KANSL1: variants seen among roughly 807,000 people sequenced by gnomAD.
KANSL1 encodes KAT8 regulatory NSL complex subunit 1.
A neutral mutation model predicts 103.6 loss-of-function variants in KANSL1; 22 were observed. The ratio of observed to expected loss-of-function variants is 0.21; its 90% CI spans 0.15 to 0.30. The LOEUF is 0.30. Ranked by LOEUF, KANSL1 falls within the 10% of genes least tolerant of loss-of-function variation. The probability of loss-of-function intolerance (pLI) is 1.00; values close to 1 mark genes in which losing one functional copy is unlikely to be tolerated. For synonymous variants in KANSL1, 600 were observed against 527.6 expected (o/e 1.14, Z -1.88); for missense variants, 1,337 against 1,399.8 (o/e 0.96, Z 0.72).
chr17:46,121,094 G>A (rs1336693374), intron 2 of KANSL1, among the ~76,000 whole-genome samples: 1 of 151,826 alleles, frequency 6.6e-6, no homozygotes, highest in African/African-American at 2.4e-5. Context: ...ATCCAGAATT[G>A]AACCTTAATT....
At chr17:46,160,635 TTC>T (rs1362213918) in intron 2 of KANSL1, among the ~76,000 whole-genome samples, 5 of 152,214 alleles carry the variant, frequency 3.3e-5, no homozygotes, top group African/African-American at 1.2e-4. Flanking sequence ...ATGAGTAATT[TTC>T]TTTTACTCAT....
chr17:46,052,515 G>C (rs951831875), intron 6 of KANSL1, among the ~76,000 whole-genome samples: 1 of 152,056 alleles, frequency 6.6e-6, no homozygotes, highest in African/African-American at 2.4e-5. Flanking sequence ...TGAGGCAGGA[G>C]AATCGCTTGA....
chr17:46,084,232 A>T (rs2079080114), intron 3 of KANSL1, among the ~76,000 whole-genome samples: 1 of 151,970 alleles, frequency 6.6e-6, no homozygotes, highest in Non-Finnish European at 1.5e-5. Flanking sequence ...AAATACAAAA[A>T]TTGCCCAGGC....
intron 2 of KANSL1, among the ~76,000 whole-genome samples, chr17:46,159,931 G>C (rs1488289097): frequency 6.6e-6 from 1 of 152,190 alleles, no homozygotes; most frequent in Non-Finnish European, 1.5e-5. Flanking sequence ...GTACTGTGTG[G>C]TCAGAGAGCT....
chr17:46,065,089 C>T (rs1181539723), intron 6 of KANSL1, among the ~76,000 whole-genome samples: 3 of 151,690 alleles, frequency 2.0e-5, no homozygotes. Context: ...GATCCTCCCG[C>T]CTCAGCCTCC....
At chr17:46,183,263 CAAACAA>C (rs906423135) in intron 1 of KANSL1, among the ~76,000 whole-genome samples, 6 of 151,108 alleles carry the variant, frequency 4.0e-5, no homozygotes, top group Non-Finnish European at 7.4e-5. Context: ...AAAAGCCACC[CAAACAA>C]AAACACTAAT....
chr17:46,215,946 AAG>A (rs2048326287), intron 1 of KANSL1, among the ~76,000 whole-genome samples: 1 of 152,154 alleles, frequency 6.6e-6, no homozygotes, highest in Non-Finnish European at 1.5e-5. Context: ...AGGCTGAGGC[AAG>A]AGAGTCGCTG....
chr17:46,052,448 T>G (rs1331765140), intron 6 of KANSL1, among the ~76,000 whole-genome samples: 2 of 150,110 alleles, frequency 1.3e-5, no homozygotes, highest in African/African-American at 4.9e-5. Context: ...CTACTGAAAA[T>G]AGAAACGTCA....
intron 2 of KANSL1, among the ~76,000 whole-genome samples, chr17:46,162,425 C>T (rs1468569405): frequency 6.6e-6 from 1 of 152,228 alleles, no homozygotes; most frequent in Non-Finnish European, 1.5e-5. Flanking sequence ...AAGGACACTC[C>T]AGGTATACCC....
At chr17:46,154,856 G>A (rs2045329078) in intron 2 of KANSL1, among the ~76,000 whole-genome samples, 2 of 152,238 alleles carry the variant, frequency 1.3e-5, no homozygotes, top group Non-Finnish European at 2.9e-5. Context: ...ATTATTTTAT[G>A]ATTATTTTAA....
At chr17:46,149,223 G>A (rs1331229043) in intron 2 of KANSL1, among the ~76,000 whole-genome samples, 2 of 151,794 alleles carry the variant, frequency 1.3e-5, no homozygotes, top group Non-Finnish European at 2.9e-5. Context: ...GGATGGTCTC[G>A]ATCTCCTGAC....
chr17:46,053,865 C>G (rs1488621807), intron 6 of KANSL1, among the ~76,000 whole-genome samples: 1 of 152,160 alleles, frequency 6.6e-6, no homozygotes, highest in Non-Finnish European at 1.5e-5. Context: ...TACACACGCA[C>G]ACGCTCTTCC....
chr17:46,115,287 T>C (rs1179569051), intron 2 of KANSL1, among the ~76,000 whole-genome samples: 1 of 152,200 alleles, frequency 6.6e-6, no homozygotes, highest in Non-Finnish European at 1.5e-5. Context: ...CTCACACTGC[T>C]GACCTCAGGT....
chr17:46,191,558 A>G (rs2047323543), intron 1 of KANSL1, among the ~76,000 whole-genome samples: 1 of 152,258 alleles, frequency 6.6e-6, no homozygotes, highest in Non-Finnish European at 1.5e-5. Context: ...ACTTGAAAGG[A>G]CTTTCAAAAT....
intron 2 of KANSL1, among the ~76,000 whole-genome samples, chr17:46,162,973 T>C (rs987498656): frequency 1.3e-5 from 2 of 152,224 alleles, no homozygotes; most frequent in Non-Finnish European, 2.9e-5. Context: ...AATTCCTTCT[T>C]ATCCTTCAGG....
chr17:46,127,620 C>T (rs2043637798), intron 2 of KANSL1, among the ~76,000 whole-genome samples: 2 of 151,798 alleles, frequency 1.3e-5, no homozygotes, highest in Non-Finnish European at 2.9e-5. Context: ...TAAAAAAATA[C>T]CAAAAAATAC....
At chr17:46,120,041 G>C (rs2043211615) in intron 2 of KANSL1, 2 of 149,314 alleles carry the variant, frequency 1.3e-5, no homozygotes, top group East Asian at 1.9e-4. Context: ...CACATGCAGA[G>C]CTTTATTTCT....
chr17:46,088,999 A>T (rs2079271825), intron 3 of KANSL1, among the ~76,000 whole-genome samples: 1 of 152,194 alleles, frequency 6.6e-6, no homozygotes, highest in African/African-American at 2.4e-5. Context: ...TATGTTAGAA[A>T]AAAAATGCTT....
intron 2 of KANSL1, among the ~76,000 whole-genome samples, chr17:46,113,720 T>C (rs1379374515): frequency 6.6e-6 from 1 of 152,180 alleles, no homozygotes; most frequent in East Asian, 1.9e-4. Context: ...GTCTACCCTG[T>C]ATGTACAGAT....
Sources: gnomAD v4.1 joint callset for allele counts (sites outside exome capture counted in the v4.1 genomes callset) on GRCh38, gnomAD v4.1.1 for gene constraint, MANE v1.5 for transcripts, NCBI Gene and HGNC (gene_info 2026-07-23, HGNC 2026-07-21) for gene names.